AFG3L2: variants seen among roughly 807,000 people sequenced by gnomAD.
AFG3L2 encodes the protein AFG3 like matrix AAA peptidase subunit 2.
A neutral mutation model predicts 94.5 loss-of-function variants in AFG3L2; 54 were observed. That is an observed-to-expected ratio of 0.57 (90% CI 0.46 to 0.72). The LOEUF is 0.72. AFG3L2 is among the 30% of genes least tolerant of loss of function. The pLI is 0.00. For missense variants in AFG3L2, 754 were observed against 994.9 expected (o/e 0.76, Z 3.26); for synonymous variants, 377 against 365.5 (o/e 1.03, Z -0.36).
intron 1 of AFG3L2, among the ~76,000 whole-genome samples, chr18:12,373,268 T>G (rs1159816551): frequency 6.6e-6 from 1 of 151,820 alleles, no homozygotes; most frequent in Non-Finnish European, 1.5e-5. Context: ...AACATAAGAG[T>G]TTTTTTCCAG....
chr18:12,350,388 G>A (rs916216925), intron 12 of AFG3L2, among the ~76,000 whole-genome samples: 6 of 151,924 alleles, frequency 3.9e-5, no homozygotes, highest in African/African-American at 7.3e-5. Context: ...CACTTTATAC[G>A]GGTGATTTTT....
intron 1 of AFG3L2, 119 bp downstream of exon 1, chr18:12,376,850 G>A: frequency 2.7e-6 from 2 of 749,106 alleles, no homozygotes; most frequent in East Asian, 3.6e-5. Context: ...CAGGCCCTCG[G>A]CAGGGACGGC....
At chr18:12,353,593 C>T (rs1224840793) in intron 9 of AFG3L2, among the ~76,000 whole-genome samples, 2 of 150,326 alleles carry the variant, frequency 1.3e-5, no homozygotes, top group East Asian at 1.9e-4. Flanking sequence ...TTGTGATACA[C>T]ACTGTAAGGT....
At chr18:12,361,733 A>G (rs1908668469) in intron 6 of AFG3L2, among the ~76,000 whole-genome samples, 1 of 152,250 alleles carries the variant, frequency 6.6e-6, no homozygotes, top group East Asian at 1.9e-4. Context: ...GAGGAACATT[A>G]CTTTGGTATT....
chr18:12,355,052 T>TA (rs1908447807), intron 9 of AFG3L2, among the ~76,000 whole-genome samples: 1 of 151,930 alleles, frequency 6.6e-6, no homozygotes, highest in Non-Finnish European at 1.5e-5. Flanking sequence ...ACCCCATCTC[T>TA]ACTAAAAATA....
At position 12,369,328 on chromosome 18, in the gene AFG3L2, C is replaced by T. The variant is rs963962598; in HGVS notation, c.292+1521G>A. On this transcript the variant is annotated intron_variant, in intron 3 of 16. Transcript: ENST00000269143. ...CCAATCTAGAGCCCCGGGGCTGTCA[C>T]CAGCCCACACCAGTGCTTCTCCCTC... Among the ~76,000 whole-genome samples, 130 of 152,274 alleles carry T rather than the reference C, an allele frequency of 8.5e-4. 1 individual carries two copies. Among genetic ancestry groups the T allele is most frequent in the African/African-American group, 3.0e-3 (126 of 41,558 alleles).
In AFG3L2 at chr18:12,367,019, G is replaced by A. The variant is rs141538541; in HGVS notation, c.498C>T (p.Ser166=). The A allele has an allele frequency of 1.1e-3, 1,739 of 1,614,064 alleles. 21 individuals are homozygous for A. The South Asian group carries it at 0.014, about 13-fold the overall frequency. ...AGTCCTTCCAAGTGATTTCTCTCCC[G>A]GATCTCTTGAGCAGCAAGTAAAACA... ...GVMFYLLLKR[S]GREITWKDFV... is the part of the protein sequence containing the mutation. Residue 166 remains serine, a synonymous_variant, in exon 5 of 17, where the codon TCC becomes TCT. Transcript: ENST00000269143.
chr18:12,343,863 C>G, intron 14 of AFG3L2: 1 of 525,830 alleles, frequency 1.9e-6, no homozygotes, highest in South Asian at 2.1e-5. Context: ...CCAGTTCAAA[C>G]CCACTGCAAC....
chr18:12,346,309 A>G (rs892428314), intron 13 of AFG3L2, among the ~76,000 whole-genome samples: 2 of 151,886 alleles, frequency 1.3e-5, no homozygotes, highest in African/African-American at 4.8e-5. Flanking sequence ...AGTGTCCCCA[A>G]CCGCCCATCT....
rs532231498 is a variant in AFG3L2 at position 12,352,344 on chromosome 18, C to G, written c.1318+661G>C. Reference sequence around the variant, plus strand: ...CCTATGCCTGGCTTCATCATTGAAGCCAGTTCAGTACTGGCACTGTGCTTC... The same window carrying G: ...CCTATGCCTGGCTTCATCATTGAAGGCAGTTCAGTACTGGCACTGTGCTTC... On this transcript the variant is annotated intron_variant, in intron 10 of 16. Coordinates refer to ENST00000269143, the MANE Select transcript of AFG3L2 (RefSeq NM_006796.3). Among the ~76,000 whole-genome samples the G allele has an allele frequency of 4.1e-3, 620 of 152,266 alleles. 3 individuals carry two copies. Among genetic ancestry groups the G allele is most frequent in the Non-Finnish European group, 6.5e-3 (440 of 68,012 alleles).
rs150662676 is a variant in AFG3L2, at chr18:12,363,890, C to T, written c.553-34G>A. On this transcript the variant is annotated intron_variant, in intron 5 of 16. Coordinates refer to ENST00000269143, the MANE Select transcript of AFG3L2 (RefSeq NM_006796.3). ...TTAAAAATAAATTCACACATAAATT[C>T]ACAGAAAATACTTGAGATACTCTTT... 1.1e-4 allele frequency: 161 copies of T among 1,467,556 alleles called. No homozygotes were observed. The African/African-American group carries it at 2.1e-3, about 19-fold the overall frequency. The allele number at this position is 1,467,556 out of a possible 1,614,324, so 90.9% of individuals were successfully genotyped here.
At chr18:12,348,200 CCAAA>C (rs1457367894) in intron 13 of AFG3L2, 69 bp downstream of exon 13, 19 of 1,326,074 alleles carry the variant, frequency 1.4e-5, no homozygotes, top group South Asian at 1.1e-4. Context: ...TAGTTCTTGC[CCAAA>C]CAGAGAAATC....
In AFG3L2 at chr18:12,347,614, G is replaced by C. The variant is rs138896017; in HGVS notation, c.1663+659C>G. Among the ~76,000 whole-genome samples the C allele has an allele frequency of 9.9e-3, 1,500 of 150,920 alleles. 25 individuals are homozygous for C. Among genetic ancestry groups the C allele is most frequent in the African/African-American group, 0.034 (1,410 of 41,068 alleles). On this transcript the variant is annotated intron_variant, in intron 13 of 16. Transcript: ENST00000269143. The stretch of plus-strand genomic sequence containing the variant: ...TGCCCAGGCTGGAATGCAGTGGCAC[G>C]ATCTCGGCTCACCATAACCTCTGCC...
chr18:12,360,388 A>G (rs1226588207), intron 6 of AFG3L2, among the ~76,000 whole-genome samples: 1 of 152,206 alleles, frequency 6.6e-6, no homozygotes, highest in Non-Finnish European at 1.5e-5. Flanking sequence ...TTTCCTAGGT[A>G]TTTTAGCTCC....
chr18:12,331,996 C>T (rs978226730), intron 16 of AFG3L2, among the ~76,000 whole-genome samples: 1 of 151,818 alleles, frequency 6.6e-6, no homozygotes, highest in Non-Finnish European at 1.5e-5. Context: ...AAAAAGGGAC[C>T]CCTACCGGAG....
chr18:12,368,913 C>T (rs1040828918), intron 3 of AFG3L2, among the ~76,000 whole-genome samples: 4 of 152,098 alleles, frequency 2.6e-5, no homozygotes, highest in Admixed American at 2.6e-4. Flanking sequence ...GAATACACTT[C>T]TAATGTCTTC....
intron 16 of AFG3L2, among the ~76,000 whole-genome samples, chr18:12,332,526 T>C (rs1055718449): frequency 2.0e-5 from 3 of 152,062 alleles, no homozygotes; most frequent in African/African-American, 7.2e-5. Context: ...AATTTTATTA[T>C]AAAATGCTTC....
chr18:12,337,399 T>C lies in AFG3L2; in HGVS notation c.2117A>G (p.Asn706Ser), dbSNP rs375011339. 3.1e-6 allele frequency: 5 copies of C among 1,614,066 alleles called. No homozygotes were observed. In the African/African-American group the frequency reaches 4.0e-5, roughly 13 times the overall value. ...AGCTACTGTTCTTTTATAAGCATCA[T>C]TAATAAGTATTCGTACTTCATCATC... Reference protein sequence around the residue: ...LIDDEVRILINDAYKRTVALL... With the variant: ...LIDDEVRILISDAYKRTVALL... Residue 706 changes from asparagine to serine, a missense_variant, in exon 16 of 17, where the codon AAT becomes AGT. This residue lies in a region of AFG3L2 where 279 missense variants were observed against 378.6 expected (regional missense o/e 0.74). Transcript: ENST00000269143.
chr18:12,344,875 G>C (rs965343580), intron 13 of AFG3L2, among the ~76,000 whole-genome samples: 1 of 152,032 alleles, frequency 6.6e-6, no homozygotes, highest in Admixed American at 6.5e-5. Context: ...GAAACAAATA[G>C]AAATGTAAAA....
Sources: allele counts gnomAD v4.1 joint callset (sites outside exome capture counted in the v4.1 genomes callset), GRCh38; gene constraint gnomAD v4.1.1; regional missense constraint gnomAD v4.1.1; transcripts MANE v1.5; gene names NCBI Gene and HGNC (gene_info 2026-07-23, HGNC 2026-07-21).